The following DDX20 variants were observed in gnomAD, a reference collection of about 807,000 sequenced individuals.
DDX20 encodes the protein DEAD-box helicase 20.
A neutral mutation model predicts 76.4 loss-of-function variants in DDX20; 61 were observed. The observed-to-expected ratio is 0.80, with a 90% CI of 0.65 to 0.99. The LOEUF is 0.99. DDX20 is among the 50% of genes least tolerant of loss of function. The probability of loss-of-function intolerance (pLI) is 0.00; values close to 1 mark genes in which losing one functional copy is unlikely to be tolerated. For missense variants in DDX20, 976 were observed against 996.8 expected, an observed-to-expected ratio of 0.98 and a Z score of 0.28; for synonymous variants, 357 against 357.4, an observed-to-expected ratio of 1.00 and a Z score of 0.01.
Position 111,766,542 on chromosome 1 carries a change from C to T in DDX20, c.2118C>T (p.Pro706=), listed in dbSNP as rs1410285385. The part of the protein sequence containing the change: ...LEQPPNGSDT[P]NPEKYQESPG... ...AACCACCAAATGGAAGTGACACCCC[C>T]AATCCAGAGAAATATCAAGAATCAC... The change falls in exon 11 of 11, where the codon CCC becomes CCT. Residue 706 remains proline (P), a synonymous_variant. Transcript: ENST00000369702. The T allele has an allele frequency of 3.1e-6, 5 of 1,614,162 alleles. No homozygotes were observed. Among genetic ancestry groups the T allele is most frequent in the Admixed American group, 1.7e-5 (1 of 60,030 alleles).
At position 111,762,268 on chromosome 1, in the gene DDX20, G is replaced by C. The variant is rs1318184830; in HGVS notation, c.1035G>C (p.Gln345His). The C allele has an allele frequency of 1.2e-6, 2 of 1,613,014 alleles. No individual in the cohort carries two copies. The highest frequency in any genetic ancestry group is 2.2e-5 in the South Asian group (2 of 90,820). Residue 345 changes from glutamine (Q) to histidine (H), a missense_variant, in exon 8 of 11, where the codon CAG (glutamine) becomes CAC (histidine). By Grantham distance (24) the Gln-to-His change is conservative. Coordinates refer to ENST00000369702, the MANE Select transcript of DDX20 (RefSeq NM_007204.5). ...PAECISGNMN[Q>H]NQRLDAMAKL... ...GGGTCCTTTTAGGCAATATGAATCA[G>C]AATCAGCGTCTTGATGCTATGGCTA...
Position 111,766,889 on chromosome 1 carries a change from G to C in DDX20, c.2465G>C (p.Ser822Thr). The stretch of plus-strand genomic sequence containing the variant: ...ATTTATCTACAAGAAATGATGCATA[G>C]TAACCAGTGATTATAGGATATACCT... ...NTIYLQEMMH[S>T]NQ The change falls in exon 11 of 11, where the codon AGT becomes ACT. Residue 822 changes from serine (S) to threonine (T), a missense_variant. Around this residue, in one of 3 missense-constraint regions of DDX20, gnomAD observed 630 missense variants for 693.7 expected, o/e 0.91. Coordinates refer to ENST00000369702, the MANE Select transcript of DDX20 (RefSeq NM_007204.5). The C allele has an allele frequency of 6.2e-7, 1 of 1,608,086 alleles. No homozygotes were observed. Among genetic ancestry groups the C allele is most frequent in the African/African-American group, 1.3e-5 (1 of 74,988 alleles).
Position 111,759,504 on chromosome 1 carries a change from A to C in DDX20, c.501A>C (p.Gly167=). Residue 167 remains glycine, a synonymous_variant, in exon 3 of 11, where the codon GGA becomes GGC. Transcript: ENST00000369702. The part of the protein sequence containing the change: ...MEGLECHVFI[G]GTPLSQDKTR... The stretch of plus-strand genomic sequence containing the variant: ...GCTTAGAGTGTCATGTCTTTATTGG[A>C]GGGACCCCATTATCACAAGACAAAA... 6.2e-7 allele frequency: 1 copy of C among 1,613,922 alleles called. No homozygotes were observed. Among genetic ancestry groups the C allele is most frequent in the Non-Finnish European group, 8.5e-7 (1 of 1,179,910 alleles).
In DDX20 at chr1:111,756,112, A is replaced by C; in HGVS notation, c.188A>C (p.Asp63Ala). The change falls in exon 1 of 11, where the codon GAC becomes GCC. Residue 63 changes from aspartate (D) to alanine (A), a missense_variant. Asp to Ala is a moderately radical substitution (Grantham distance 126). Coordinates refer to ENST00000369702, the MANE Select transcript of DDX20 (RefSeq NM_007204.5). ...TGDVLLAEPA[D>A]FESLLLSRPV... ...GATGTGCTGTTGGCGGAGCCGGCCG[A>C]CTTCGAGTCACTGCTGCTTTCGCGG... 1.9e-6 allele frequency: 3 copies of C among 1,595,964 alleles called. No individual in the cohort carries two copies. In the South Asian group the frequency reaches 3.3e-5, roughly 18 times the overall value.
chr1:111,766,804 T>G lies in DDX20; in HGVS notation c.2380T>G (p.Ser794Ala). The change falls in exon 11 of 11, where the codon TCA becomes GCA. Residue 794 changes from serine to alanine, a missense_variant. Around this residue, in one of 3 missense-constraint regions of DDX20, gnomAD observed 630 missense variants for 693.7 expected, o/e 0.91. Transcript: ENST00000369702. ...WQEYYAAASHSYYWNAQRHPS... is the reference protein window; with the variant it reads ...WQEYYAAASHAYYWNAQRHPS... ...AGAATATTATGCTGCCGCTTCTCAT[T>G]CATATTATTGGAATGCTCAGAGACA... 6.2e-7 allele frequency: 1 copy of G among 1,614,178 alleles called. No individual in the cohort carries two copies. Among genetic ancestry groups the G allele is most frequent in the Non-Finnish European group, 8.5e-7 (1 of 1,179,996 alleles).
chr1:111,760,404 T>A (rs1259607658), intron 3 of DDX20, 70 bp from the exon 4 acceptor site: 8 of 1,072,766 alleles, frequency 7.5e-6, no homozygotes, highest in Non-Finnish European at 1.1e-5. Flanking sequence ...ATAAGTAGAG[T>A]AACAATATTG....
chr1:111,766,933 C>T lies in DDX20; in HGVS notation c.*34C>T. The T allele has an allele frequency of 6.6e-7, 1 of 1,511,668 alleles. No individual in the cohort carries two copies. Among genetic ancestry groups the T allele is most frequent in the South Asian group, 1.2e-5 (1 of 85,780 alleles). The allele number at this position is 1,511,668 out of a possible 1,614,324, so 93.6% of individuals were successfully genotyped here. On this transcript the variant is annotated 3_prime_UTR_variant, in exon 11 of 11. Transcript: ENST00000369702. ...TATACCTGAGACCATCAGGAACTGT[C>T]AACAAATGATACCTTTGGATATCCA...
intron 3 of DDX20, 170 bp from the exon 4 acceptor site, chr1:111,760,304 A>G (rs1663646204): frequency 1.9e-6 from 1 of 521,772 alleles, no homozygotes; most frequent in African/African-American, 2.0e-5. Flanking sequence ...TTTAGTCAAG[A>G]TCAGAGCTCC....
chr1:111,762,065 T>G, intron 7 of DDX20, 190 bp from the exon 8 acceptor site: 1 of 486,514 alleles, frequency 2.1e-6, no homozygotes, highest in South Asian at 3.4e-5. Context: ...TCAAGTTGAT[T>G]GCCTAAACCA....
chr1:111,760,782 G>GC lies in DDX20; in HGVS notation c.758dup (p.Leu254PhefsTer17). 1 of 1,613,838 alleles carries GC rather than the reference G, an allele frequency of 6.2e-7. No individual in the cohort carries two copies. The highest frequency in any genetic ancestry group is 8.5e-7 in the Non-Finnish European group (1 of 1,179,870). Reference sequence around the variant, plus strand: ...TACTTATCCCGAATTTTTGGCTAATGCTTTGACAAAGTACATGAGAGATCC... The same window carrying GC: ...TACTTATCCCGAATTTTTGGCTAATGCCTTTGACAAAGTACATGAGAGATCC... On this transcript the variant is annotated frameshift_variant, in exon 5 of 11. Coordinates refer to ENST00000369702, the MANE Select transcript of DDX20 (RefSeq NM_007204.5). LOFTEE classifies it high-confidence loss of function.
Position 111,759,487 on chromosome 1 carries a change from T to C in DDX20, c.484T>C (p.Cys162Arg). ...AIGIKMEGLE[C>R]HVFIGGTPLS... ...TGGAATAAAAATGGAAGGCTTAGAG[T>C]GTCATGTCTTTATTGGAGGGACCCC... Residue 162 changes from cysteine to arginine, a missense_variant, in exon 3 of 11, where the codon TGT (cysteine) becomes CGT (arginine). Transcript: ENST00000369702. 1.2e-6 allele frequency: 2 copies of C among 1,613,768 alleles called. No homozygotes were observed. The highest frequency in any genetic ancestry group is 1.7e-6 in the Non-Finnish European group (2 of 1,179,842).
intron 10 of DDX20, among the ~76,000 whole-genome samples, chr1:111,764,774 A>G (rs1044771817): frequency 1.3e-5 from 2 of 152,224 alleles, no homozygotes; most frequent in Non-Finnish European, 2.9e-5. Context: ...AATGATATTC[A>G]TGCTGTTAGG....
chr1:111,764,668 A>G (rs944843631), intron 10 of DDX20, among the ~76,000 whole-genome samples: 3 of 152,236 alleles, frequency 2.0e-5, no homozygotes, highest in African/African-American at 7.2e-5. Flanking sequence ...AGGATTCAAT[A>G]TCATAGCATC....
At position 111,760,474 on chromosome 1, in the gene DDX20, G is replaced by T; in HGVS notation, c.566G>T (p.Gly189Val). 6.4e-7 allele frequency: 1 copy of T among 1,567,006 alleles called. No homozygotes were observed. Among genetic ancestry groups the T allele is most frequent in the South Asian group, 1.2e-5 (1 of 83,650 alleles). The change falls in exon 4 of 11, where the codon GGC (glycine) becomes GTC (valine). Residue 189 changes from glycine to valine, a missense_variant and splice_region_variant. By Grantham distance (109) the Gly-to-Val change is moderately radical (BLOSUM62 -3). Coordinates refer to ENST00000369702, the MANE Select transcript of DDX20 (RefSeq NM_007204.5). ...ATTTCAATTTTTTTTTTTTAATTAGGCAGAATTAAGCAACTCATAGAACTT... is the reference window on the plus strand; with the variant it reads ...ATTTCAATTTTTTTTTTTTAATTAGTCAGAATTAAGCAACTCATAGAACTT... ...KKCHIAVGSP[G>V]RIKQLIELDY... is the part of the protein sequence containing the mutation.
In DDX20 at chr1:111,761,255, C is replaced by T; in HGVS notation, c.992C>T (p.Ser331Phe). ...CAACATTTGGCTGATATCCTTTCTT[C>T]TAAAGGCTTTCCTGCTGAGTGCATT... Reference protein sequence around the residue: ...RAQHLADILSSKGFPAECISG... With the variant: ...RAQHLADILSFKGFPAECISG... Residue 331 changes from serine (S) to phenylalanine (F), a missense_variant, in exon 7 of 11, where the codon TCT (serine) becomes TTT (phenylalanine). Transcript: ENST00000369702. 1.2e-6 allele frequency: 2 copies of T among 1,613,354 alleles called. No individual in the cohort carries two copies. The highest frequency in any genetic ancestry group is 1.3e-5 in the African/African-American group (1 of 75,022).
Position 111,755,929 on chromosome 1 carries a change from C to G in DDX20, c.5C>G (p.Ala2Gly), listed in dbSNP as rs368179651. Residue 2 changes from alanine (A) to glycine (G), a missense_variant, in exon 1 of 11, where the codon GCG becomes GGG. By Grantham distance (60) the Ala-to-Gly change is moderately conservative. Coordinates refer to ENST00000369702, the MANE Select transcript of DDX20 (RefSeq NM_007204.5). ...AGATCTGACGGCGCGGCTACCATGG[C>G]GGCGGCATTTGAAGCCTCGGGAGCC... is the stretch of plus-strand genomic sequence containing the variant. MAAAFEASGALA... is the reference protein window; with the variant it reads MGAAFEASGALA... 122 of 1,570,832 alleles carry G rather than the reference C, an allele frequency of 7.8e-5. No homozygotes were observed. Among genetic ancestry groups the G allele is most frequent in the Non-Finnish European group, 9.9e-5 (114 of 1,154,080 alleles).
rs1438097808 is a variant in DDX20 at position 111,766,560 on chromosome 1, A to G, written c.2136A>G (p.Gln712=). 10 of 1,614,210 alleles carry G rather than the reference A, an allele frequency of 6.2e-6. No individual in the cohort carries two copies. Among genetic ancestry groups the G allele is most frequent in the Non-Finnish European group, 8.5e-6 (10 of 1,180,004 alleles). Residue 712 remains glutamine, a synonymous_variant, in exon 11 of 11, where the codon CAA becomes CAG. Coordinates refer to ENST00000369702, the MANE Select transcript of DDX20 (RefSeq NM_007204.5). ...ACACCCCCAATCCAGAGAAATATCA[A>G]GAATCACCTGGAATCCAGATGAAGA... ...GSDTPNPEKY[Q]ESPGIQMKTR... is the part of the protein sequence containing the mutation.
intron 7 of DDX20, chr1:111,761,937 G>A (rs1314384108): frequency 4.9e-6 from 1 of 203,510 alleles, no homozygotes; most frequent in Non-Finnish European, 9.8e-6. Flanking sequence ...ATAAACAGCT[G>A]ATTAAAGCAT....
At position 111,758,046 on chromosome 1, in the gene DDX20, C is replaced by T. The variant is rs71673434; in HGVS notation, c.396+1306C>T. Among the ~76,000 whole-genome samples the T allele has an allele frequency of 6.3e-3, 953 of 152,088 alleles. 7 individuals are homozygous for T. The highest frequency in any genetic ancestry group is 0.014 in the Middle Eastern group (4 of 294). ...AATTTTTTTGTATTTTTAGTAGAGA[C>T]GGTGTTTCGCCATGTCGGCCAGGCT... On this transcript the variant is annotated intron_variant, in intron 2 of 10. Transcript: ENST00000369702.
Sources: gnomAD v4.1 joint callset for allele counts (sites outside exome capture counted in the v4.1 genomes callset) on GRCh38, gnomAD v4.1.1 for gene constraint, gnomAD v4.1.1 regional missense constraint, MANE v1.5 for transcripts, NCBI Gene and HGNC (gene_info 2026-07-23, HGNC 2026-07-21) for gene names.